Variants in TTC7B observed in about 807,000 individuals in gnomAD.
TTC7B encodes tetratricopeptide repeat protein 7B.
Under a neutral mutation model 106.8 loss-of-function variants are expected in TTC7B, and 28 were observed. The ratio of observed to expected loss-of-function variants is 0.26; its 90% CI spans 0.19 to 0.36. The LOEUF is 0.36. TTC7B is among the 10% of genes least tolerant of loss of function. The probability of loss-of-function intolerance (pLI) is 1.00; values close to 1 mark genes in which losing one functional copy is unlikely to be tolerated. For synonymous variants in TTC7B, 405 were observed against 430.6 expected (o/e 0.94, Z 0.74); for missense variants, 862 against 1,076.4 (o/e 0.80, Z 2.79).
intron 3 of TTC7B, among the ~76,000 whole-genome samples, chr14:90,762,340 G>C (rs1890527928): frequency 6.6e-6 from 1 of 152,176 alleles, no homozygotes; most frequent in Non-Finnish European, 1.5e-5. Context: ...AGAAACCACT[G>C]ACTTGGGCAC....
rs188933043 is a variant in TTC7B, at chr14:90,792,764, A to C, written c.122-6436T>G. ...GTACAGTATTGGATGGGGGTGGGAG[A>C]GGAGACAAAGCTTGCACCAAGAATG... On this transcript the variant is annotated intron_variant, in intron 1 of 19. Transcript: ENST00000328459. Among the ~76,000 whole-genome samples, 166 of 152,248 alleles carry C rather than the reference A, an allele frequency of 1.1e-3. 1 individual carries two copies. The highest frequency in any genetic ancestry group is 3.7e-3 in the African/African-American group (152 of 41,544).
chr14:90,543,172 C>A (rs1889677249), intron 19 of TTC7B, among the ~76,000 whole-genome samples: 1 of 152,166 alleles, frequency 6.6e-6, no homozygotes, highest in African/African-American at 2.4e-5. Flanking sequence ...TTTTGAGATT[C>A]TTTTCTTTGA....
intron 16 of TTC7B, among the ~76,000 whole-genome samples, chr14:90,612,044 C>T (rs1892897327): frequency 6.6e-6 from 1 of 152,276 alleles, no homozygotes; most frequent in African/African-American, 2.4e-5. Context: ...GCAGTACAAA[C>T]AAGATTTGGC....
Position 90,806,889 on chromosome 14 carries a change from A to G in TTC7B, c.121+9286T>C, listed in dbSNP as rs529544531. On this transcript the variant is annotated intron_variant, in intron 1 of 19. Transcript: ENST00000328459. Reference sequence around the variant, plus strand: ...ACCACTGCACTCCAGCCTGAGCGACAGAGTGACACCCTATCTCAAAAACAA... The same window carrying G: ...ACCACTGCACTCCAGCCTGAGCGACGGAGTGACACCCTATCTCAAAAACAA... Among the ~76,000 whole-genome samples, 25 of 144,468 alleles carry G rather than the reference A, an allele frequency of 1.7e-4. No homozygotes were observed. In the South Asian group the frequency reaches 5.1e-3, roughly 29 times the overall value. The allele number at this position is 144,468 out of a possible 152,430, so 94.8% of individuals were successfully genotyped here. A position where few individuals can be genotyped will look rare whatever the true frequency, so the allele number is the denominator to read the frequency against.
chr14:90,771,897 ATG>A lies in TTC7B; in HGVS notation c.445+8839_445+8840del, dbSNP rs1348101436. Among the ~76,000 whole-genome samples the A allele has an allele frequency of 2.9e-3, 430 of 146,638 alleles. 1 individual carries two copies. The highest frequency in any genetic ancestry group is 4.5e-3 in the Non-Finnish European group (301 of 66,870). ...ATAAATATTAAGTATATACATATAT[ATG>A]TATATATTTCTTTATTTTATATATA... On this transcript the variant is annotated intron_variant, in intron 3 of 19. Transcript: ENST00000328459.
chr14:90,620,215 T>C (rs1595213568), intron 15 of TTC7B, among the ~76,000 whole-genome samples: 1 of 151,928 alleles, frequency 6.6e-6, no homozygotes, highest in Non-Finnish European at 1.5e-5. Flanking sequence ...TAGTCTCTGA[T>C]CTACAAGCAG....
intron 6 of TTC7B, among the ~76,000 whole-genome samples, chr14:90,695,207 T>G (rs1887688383): frequency 7.3e-6 from 1 of 137,310 alleles, no homozygotes; most frequent in Non-Finnish European, 1.5e-5. Flanking sequence ...GTATAAAACA[T>G]GTATATTTTA....
intron 19 of TTC7B, among the ~76,000 whole-genome samples, chr14:90,558,846 C>G (rs1308378476): frequency 2.0e-5 from 3 of 152,202 alleles, no homozygotes; most frequent in Admixed American, 1.3e-4. Flanking sequence ...AACTTTCTCC[C>G]CAGGGCCCCC....
Position 90,600,924 on chromosome 14 carries a change from G to A in TTC7B, c.1967-7298C>T, listed in dbSNP as rs1892397743. Among the ~76,000 whole-genome samples, 1 of 152,172 alleles carries A rather than the reference G, an allele frequency of 6.6e-6. No homozygotes were observed. Among genetic ancestry groups the A allele is most frequent in the Non-Finnish European group, 1.5e-5 (1 of 68,036 alleles). ...CATGAGGCTGTGTCTTGGGGTGGAAGTGCCTTCTGCCTGGGGAAGGCTCTC... is the reference window on the plus strand; with the variant it reads ...CATGAGGCTGTGTCTTGGGGTGGAAATGCCTTCTGCCTGGGGAAGGCTCTC... On this transcript the variant is annotated intron_variant, in intron 17 of 19. Transcript: ENST00000328459. The surrounding 1 kb of genome is among the most constrained non-coding windows in gnomAD (Gnocchi z 4.3).
At chr14:90,658,232 A>T (rs1886031936) in intron 10 of TTC7B, 72 bp downstream of exon 10, 1 of 1,313,498 alleles carries the variant, frequency 7.6e-7, no homozygotes, top group Admixed American at 1.7e-5. Context: ...ATTCCGTGCA[A>T]TTCCATGACA....
Position 90,617,972 on chromosome 14 carries a change from T to C in TTC7B, c.1825A>G (p.Met609Val), listed in dbSNP as rs993545611. 3.7e-6 allele frequency: 6 copies of C among 1,613,872 alleles called. No homozygotes were observed. Among genetic ancestry groups the C allele is most frequent in the Non-Finnish European group, 3.4e-6 (4 of 1,179,866 alleles). Residue 609 changes from methionine to valine, a missense_variant, in exon 16 of 20, where the codon ATG (methionine) becomes GTG (valine). Coordinates refer to ENST00000328459, the MANE Select transcript of TTC7B (RefSeq NM_001010854.2). ...TAGCAGGATTTCCATATCTGCAGCA[T>C]GTGCTTACAAGTCAGCAGTGCCTCG... Reference protein sequence around the residue: ...PDEALLTCKHMLQIWKSCYNL... With the variant: ...PDEALLTCKHVLQIWKSCYNL...
At chr14:90,774,623 G>A (rs1009114688) in intron 3 of TTC7B, among the ~76,000 whole-genome samples, 12 of 152,310 alleles carry the variant, frequency 7.9e-5, no homozygotes, top group Admixed American at 7.8e-4. Context: ...AAGGGATGAT[G>A]TGGGTAGCTT....
rs1325602000 is a variant in TTC7B, at chr14:90,539,521, G to C, written c.*1847C>G. On this transcript the variant is annotated 3_prime_UTR_variant, in exon 20 of 20. Transcript: ENST00000328459. ...CAAAGCCACAAGTGCTGCCTGGCAG[G>C]GTCAGTGCTGAGGCTGGGGCTCCTA... The C allele has an allele frequency of 6.6e-6, 1 of 152,430 alleles. No individual in the cohort carries two copies. The highest frequency in any genetic ancestry group is 2.4e-5 in the African/African-American group (1 of 41,472). The allele number at this position is 152,430 out of a possible 1,614,324, so 9.4% of individuals were successfully genotyped here.
intron 19 of TTC7B, among the ~76,000 whole-genome samples, chr14:90,556,472 A>T (rs1198585394): frequency 6.6e-6 from 1 of 152,148 alleles, no homozygotes; most frequent in Non-Finnish European, 1.5e-5. Flanking sequence ...GGGTGCTAAC[A>T]CAGCCCCTCT....
chr14:90,625,200 CAA>C (rs1884386472), intron 15 of TTC7B, among the ~76,000 whole-genome samples: 1 of 152,164 alleles, frequency 6.6e-6, no homozygotes, highest in African/African-American at 2.4e-5. Flanking sequence ...TAAGAGAAGT[CAA>C]AAGAGATGTG....
chr14:90,767,061 A>T (rs1890713909), intron 3 of TTC7B: 1 of 776,704 alleles, frequency 1.3e-6, no homozygotes, highest in African/African-American at 1.8e-5. Flanking sequence ...AAAGGAAGAA[A>T]AGAAATTCTG....
chr14:90,748,469 A>G (rs1164401814), intron 3 of TTC7B, among the ~76,000 whole-genome samples: 1 of 151,394 alleles, frequency 6.6e-6, no homozygotes, highest in African/African-American at 2.4e-5. Context: ...CTGGGACTAC[A>G]GGTGCACACC....
chr14:90,643,631 G>T (rs1290295305), intron 15 of TTC7B, among the ~76,000 whole-genome samples: 3 of 152,100 alleles, frequency 2.0e-5, no homozygotes, highest in Non-Finnish European at 4.4e-5. Context: ...AGGCTGGAAT[G>T]CAGTGCAGGG....
intron 15 of TTC7B, among the ~76,000 whole-genome samples, chr14:90,625,234 G>A (rs542538842): frequency 1.3e-5 from 2 of 152,326 alleles, no homozygotes; most frequent in South Asian, 4.1e-4. Context: ...TCGTGACCGG[G>A]AGAAGGCAGA....
Sources: allele counts gnomAD v4.1 joint callset (sites outside exome capture counted in the v4.1 genomes callset), GRCh38; gene constraint gnomAD v4.1.1; non-coding constraint Gnocchi (gnomAD v3.1); transcripts MANE v1.5; gene names NCBI Gene and HGNC (gene_info 2026-07-23, HGNC 2026-07-21).